The following SAMMSON variants were observed in gnomAD, a reference collection of about 807,000 sequenced individuals.
SAMMSON encodes the protein survival associated mitochondrial melanoma specific oncogenic non-coding RNA, also known as long intergenic non-protein coding RNA 1212.
chr3:70,242,159 G>C (rs1294391118), intron 4 of SAMMSON, among the ~76,000 whole-genome samples: 1 of 152,152 alleles, frequency 6.6e-6, no homozygotes, highest in Non-Finnish European at 1.5e-5. Context: ...TATTTCTACT[G>C]GTAAAAGCAG....
chr3:70,196,040 C>A (rs1701176060), intron 4 of SAMMSON, among the ~76,000 whole-genome samples: 1 of 152,156 alleles, frequency 6.6e-6, no homozygotes, highest in South Asian at 2.1e-4. Flanking sequence ...TTATTTCTTT[C>A]TGGTGTCTAT....
intron 3 of SAMMSON, among the ~76,000 whole-genome samples, chr3:70,044,233 C>G (rs976036104): frequency 6.6e-6 from 1 of 151,964 alleles, no homozygotes; most frequent in Admixed American, 6.6e-5. Flanking sequence ...ACTCATTAGT[C>G]TGAGCTCTGG....
At chr3:70,358,527 G>C (rs1283331972) in intron 9 of SAMMSON, among the ~76,000 whole-genome samples, 2 of 152,100 alleles carry the variant, frequency 1.3e-5, no homozygotes, top group Non-Finnish European at 2.9e-5. Context: ...CTCATGGAAG[G>C]CCTCTTTGAA....
chr3:70,016,164 G>C (rs892428670), intron 3 of SAMMSON, among the ~76,000 whole-genome samples: 3 of 152,152 alleles, frequency 2.0e-5, no homozygotes, highest in Non-Finnish European at 4.4e-5. Context: ...GGATGAACTA[G>C]TTTACAGTCC....
In SAMMSON at chr3:70,288,037, G is replaced by GT. The variant is rs577390247; in HGVS notation, n.675-3136dup. ...CCTGGATTCATTAATTTTTTGAAGGGTTTTTTGTGTCTCTATTTCCTTCAG... is the reference window on the plus strand; with the variant it reads ...CCTGGATTCATTAATTTTTTGAAGGGTTTTTTTGTGTCTCTATTTCCTTCAG... On this transcript the variant is annotated intron_variant and non_coding_transcript_variant, in intron 6 of 9. Transcript: ENST00000642114. Among the ~76,000 whole-genome samples, 314 of 151,314 alleles carry GT rather than the reference G, an allele frequency of 2.1e-3. 3 individuals are homozygous for GT. The highest frequency in any genetic ancestry group is 6.8e-3 in the Middle Eastern group (2 of 294).
intron 3 of SAMMSON, among the ~76,000 whole-genome samples, chr3:70,062,814 G>T (rs2067195403): frequency 6.6e-6 from 1 of 152,056 alleles, no homozygotes; most frequent in Non-Finnish European, 1.5e-5. Flanking sequence ...TCTGAGTTTG[G>T]TGTAAATGAC....
chr3:70,324,153 C>CTCTATCTA (rs200387919), intron 7 of SAMMSON, among the ~76,000 whole-genome samples: 74 of 148,658 alleles, frequency 5.0e-4, no homozygotes, highest in East Asian at 6.1e-4. Flanking sequence ...CTTTACATCT[C>CTCTATCTA]TCTATCTATC....
intron 7 of SAMMSON, among the ~76,000 whole-genome samples, chr3:70,331,596 C>A (rs564743648): frequency 6.6e-6 from 1 of 152,194 alleles, no homozygotes; most frequent in Admixed American, 6.5e-5. Context: ...TCTGCACACA[C>A]AAATCTTGTC....
At chr3:70,214,799 T>C (rs1441627005) in intron 4 of SAMMSON, among the ~76,000 whole-genome samples, 1 of 152,082 alleles carries the variant, frequency 6.6e-6, no homozygotes, top group Non-Finnish European at 1.5e-5. Flanking sequence ...TTTGCAATTA[T>C]GAGTCTCCAT....
chr3:70,092,447 G>GTT (rs11428459), intron 4 of SAMMSON, among the ~76,000 whole-genome samples: 13,197 of 145,256 alleles, frequency 0.091, 666 homozygotes, highest in Non-Finnish European at 0.12. Flanking sequence ...AACTCATGCT[G>GTT]TTTTTTTTTT....
At chr3:70,083,033 G>A (rs1012579774) in intron 4 of SAMMSON, among the ~76,000 whole-genome samples, 1 of 152,174 alleles carries the variant, frequency 6.6e-6, no homozygotes, top group Non-Finnish European at 1.5e-5. Context: ...GTGGTCCCCA[G>A]GAAAGGGAGC....
intron 4 of SAMMSON, among the ~76,000 whole-genome samples, chr3:70,109,397 G>A (rs1392931667): frequency 1.3e-5 from 2 of 151,908 alleles, no homozygotes; most frequent in African/African-American, 2.4e-5. Flanking sequence ...CAATTCCTCC[G>A]GCTACAATTC....
intron 7 of SAMMSON, among the ~76,000 whole-genome samples, chr3:70,321,700 G>A (rs1288900515): frequency 6.6e-6 from 1 of 151,838 alleles, no homozygotes; most frequent in Non-Finnish European, 1.5e-5. Context: ...TTTTATCCTA[G>A]AGGATCAACT....
In SAMMSON at chr3:70,130,807, G is replaced by T. The variant is rs368763425; in HGVS notation, n.507+59242G>T. Among the ~76,000 whole-genome samples the T allele has an allele frequency of 1.4e-4, 21 of 152,176 alleles. 1 individual carries two copies. The South Asian group carries it at 4.4e-3, about 32-fold the overall frequency. ...GATGATCAAGACCTCAATCTTCAAG[G>T]ACTCTAAAGACTTCAAAGATTTTTA... On this transcript the variant is annotated intron_variant and non_coding_transcript_variant, in intron 4 of 9. Transcript: ENST00000642114.
chr3:70,313,629 A>G (rs1172912726), intron 7 of SAMMSON, among the ~76,000 whole-genome samples: 1 of 152,114 alleles, frequency 6.6e-6, no homozygotes, highest in African/African-American at 2.4e-5. Flanking sequence ...AATAATATTT[A>G]TTTTTTGTCT....
At chr3:70,336,201 A>G (rs892216618) in intron 7 of SAMMSON, among the ~76,000 whole-genome samples, 8 of 152,030 alleles carry the variant, frequency 5.3e-5, no homozygotes, top group African/African-American at 1.9e-4. Context: ...TTTAGCTTGA[A>G]AATTGTGAGC....
At chr3:70,254,152 C>CA (rs11375266) in intron 6 of SAMMSON, among the ~76,000 whole-genome samples, 136,435 of 151,770 alleles carry the variant, frequency 0.9, 61,285 homozygotes, top group Admixed American at 0.92. Flanking sequence ...TCCAATTACA[C>CA]AAAAAAAATT....
chr3:70,393,710 A>G (rs141218687), downstream of SAMMSON, among the ~76,000 whole-genome samples: 25 of 152,248 alleles, frequency 1.6e-4, 1 homozygote, highest in African/African-American at 5.8e-4. Flanking sequence ...CAAAAAGTGT[A>G]GGAAACATCA....
chr3:70,048,620 A>G (rs918655089), intron 3 of SAMMSON, among the ~76,000 whole-genome samples: 2 of 152,104 alleles, frequency 1.3e-5, no homozygotes, highest in African/African-American at 2.4e-5. Flanking sequence ...TGCTCATGCT[A>G]AATTTTCAAG....
Sources: allele counts gnomAD v4.1 joint callset (sites outside exome capture counted in the v4.1 genomes callset), GRCh38; gene constraint gnomAD v4.1.1; transcripts MANE v1.5; gene names NCBI Gene and HGNC (gene_info 2026-07-23, HGNC 2026-07-21).